The following CDH13 variants were observed in gnomAD, a reference collection of about 807,000 sequenced individuals.
The protein encoded by CDH13 is cadherin-13.
Under a neutral mutation model 63.8 loss-of-function variants are expected in CDH13, and 24 were observed. The observed-to-expected ratio is 0.38, with a 90% CI of 0.27 to 0.53. The LOEUF (loss-of-function observed/expected upper bound fraction) is 0.53. Ranked by LOEUF, CDH13 falls within the 20% of genes least tolerant of loss-of-function variation. The pLI is 0.85. For synonymous variants in CDH13, 503 were observed against 355.3 expected (o/e 1.42, Z -4.67); for missense variants, 1,049 against 903.1 (o/e 1.16, Z -2.07).
intron 2 of CDH13, among the ~76,000 whole-genome samples, chr16:82,983,997 TG>T (rs1160037118): frequency 6.6e-6 from 1 of 152,208 alleles, no homozygotes; most frequent in African/African-American, 2.4e-5. Flanking sequence ...CTTTCTGCCG[TG>T]GGTGGGAAGC....
In CDH13 at chr16:82,967,360, A is replaced by C. The variant is rs114895479; in HGVS notation, c.158-64650A>C. On this transcript the variant is annotated intron_variant, in intron 2 of 13. Transcript: ENST00000567109. ...ACTTGAATTGTATAACAAATTCTATAATGATTTTTTTAAAACTGACTTCCC... is the reference window on the plus strand; with the variant it reads ...ACTTGAATTGTATAACAAATTCTATCATGATTTTTTTAAAACTGACTTCCC... 3.2e-3 allele frequency among the ~76,000 whole-genome samples: 486 copies of C among 152,218 alleles called. 6 individuals are homozygous for C. Among genetic ancestry groups the C allele is most frequent in the African/African-American group, 0.011 (470 of 41,524 alleles).
chr16:83,746,411 A>G (rs927701728), intron 10 of CDH13, among the ~76,000 whole-genome samples: 4 of 152,128 alleles, frequency 2.6e-5, no homozygotes, highest in Admixed American at 2.6e-4. Flanking sequence ...GCAAACCACA[A>G]ACAACCCCAA....
At chr16:83,287,969 A>G (rs1161017250) in intron 5 of CDH13, among the ~76,000 whole-genome samples, 3 of 152,150 alleles carry the variant, frequency 2.0e-5, no homozygotes, top group Admixed American at 2.0e-4. Context: ...AAATATGAAC[A>G]TGTTTTAAAA....
chr16:83,111,546 C>T (rs953903111), intron 3 of CDH13, among the ~76,000 whole-genome samples: 2 of 152,168 alleles, frequency 1.3e-5, no homozygotes, highest in South Asian at 2.1e-4. Context: ...GCTGACTCTT[C>T]AGGAGAGCAG....
chr16:82,783,907 T>C (rs914489125), intron 1 of CDH13, among the ~76,000 whole-genome samples: 2 of 152,054 alleles, frequency 1.3e-5, no homozygotes, highest in African/African-American at 4.8e-5. Flanking sequence ...GAAACGGATA[T>C]AATTAGAAAA....
chr16:83,551,954 G>T (rs972280689), intron 7 of CDH13, among the ~76,000 whole-genome samples: 1 of 152,186 alleles, frequency 6.6e-6, no homozygotes, highest in South Asian at 2.1e-4. Context: ...GTGGATAGGT[G>T]GATGGATGGG....
chr16:83,069,316 T>C (rs1040523428), intron 3 of CDH13, among the ~76,000 whole-genome samples: 4 of 152,216 alleles, frequency 2.6e-5, no homozygotes, highest in African/African-American at 9.6e-5. Flanking sequence ...TTAGTGGAAA[T>C]GTGAGTTTCA....
intron 2 of CDH13, among the ~76,000 whole-genome samples, chr16:82,910,955 G>A (rs1023355006): frequency 2.6e-5 from 4 of 152,140 alleles, no homozygotes; most frequent in Non-Finnish European, 4.4e-5. Flanking sequence ...TCTTTGAGGT[G>A]AGCAATGCCC....
chr16:83,058,204 G>T (rs993931857), intron 3 of CDH13, among the ~76,000 whole-genome samples: 1 of 152,072 alleles, frequency 6.6e-6, no homozygotes, highest in Non-Finnish European at 1.5e-5. Context: ...CCTCTCCTTT[G>T]TGAGGGGAGA....
At chr16:83,355,713 G>GCA (rs1325204978) in intron 6 of CDH13, among the ~76,000 whole-genome samples, 1 of 152,176 alleles carries the variant, frequency 6.6e-6, no homozygotes, top group East Asian at 1.9e-4. Flanking sequence ...AATGGATGCT[G>GCA]ACTCTGTAGA....
chr16:83,247,622 G>T (rs1251882572), intron 5 of CDH13, among the ~76,000 whole-genome samples: 1 of 152,040 alleles, frequency 6.6e-6, no homozygotes, highest in Non-Finnish European at 1.5e-5. Flanking sequence ...AATACTTCTG[G>T]ATTTTTCATG....
At chr16:83,027,011 C>G (rs1053272135) in intron 2 of CDH13, among the ~76,000 whole-genome samples, 2 of 151,868 alleles carry the variant, frequency 1.3e-5, no homozygotes, top group Non-Finnish European at 1.5e-5. Flanking sequence ...CTCCCTGCTG[C>G]TGGGTTCAAT....
intron 6 of CDH13, among the ~76,000 whole-genome samples, chr16:83,436,641 T>A (rs1427998764): frequency 1.3e-5 from 2 of 152,260 alleles, no homozygotes; most frequent in African/African-American, 4.8e-5. Flanking sequence ...AAGAACTTAG[T>A]GCCTTTTAAT....
intron 6 of CDH13, among the ~76,000 whole-genome samples, chr16:83,395,619 G>C (rs1048244378): frequency 2.6e-5 from 4 of 152,114 alleles, no homozygotes; most frequent in African/African-American, 9.7e-5. Context: ...CCTTCAGCCT[G>C]GTCATTGCTC....
chr16:83,077,913 C>A (rs1344302208), intron 3 of CDH13, among the ~76,000 whole-genome samples: 1 of 152,178 alleles, frequency 6.6e-6, no homozygotes, highest in Non-Finnish European at 1.5e-5. Flanking sequence ...TGTGTAGTGG[C>A]ATCCCATTGT....
At chr16:82,709,443 G>A (rs539040841) in intron 1 of CDH13, among the ~76,000 whole-genome samples, 4 of 152,156 alleles carry the variant, frequency 2.6e-5, no homozygotes, top group Non-Finnish European at 2.9e-5. Context: ...CCAATCAGGG[G>A]CTTGGAATTA....
intron 8 of CDH13, among the ~76,000 whole-genome samples, chr16:83,663,997 C>CAAAAAAAAA (rs77224826): frequency 1.2e-5 from 1 of 86,594 alleles, no homozygotes; most frequent in African/African-American, 4.2e-5. Flanking sequence ...CCCATCTCTA[C>CAAAAAAAAA]AAAAAAAAAA....
intron 5 of CDH13, among the ~76,000 whole-genome samples, chr16:83,272,127 C>G (rs955786257): frequency 2.0e-5 from 3 of 152,118 alleles, no homozygotes; most frequent in African/African-American, 7.2e-5. Context: ...TATGGAGTAC[C>G]TCTCTCAGTC....
chr16:83,281,325 C>T (rs2089167706), intron 5 of CDH13, among the ~76,000 whole-genome samples: 1 of 152,140 alleles, frequency 6.6e-6, no homozygotes, highest in African/African-American at 2.4e-5. Flanking sequence ...TTTTCTTCTG[C>T]AGATTATTCA....
Sources: allele counts gnomAD v4.1 joint callset (sites outside exome capture counted in the v4.1 genomes callset), GRCh38; gene constraint gnomAD v4.1.1; transcripts MANE v1.5; gene names NCBI Gene and HGNC (gene_info 2026-07-23, HGNC 2026-07-21).